CHST9: variants seen among roughly 807,000 people sequenced by gnomAD.
CHST9 encodes GalNAc-4-sulfotransferase 2.
CHST9 carries 41 observed loss-of-function variants against 44.4 expected under a neutral mutation model. The ratio of observed to expected loss-of-function variants is 0.92; its 90% confidence interval spans 0.72 to 1.20. CHST9 has a LOEUF of 1.20. Among genes scored for constraint, CHST9 ranks in the 50% most tolerant of loss-of-function variants. The pLI, the probability that CHST9 is intolerant of heterozygous loss-of-function variation, is 0.00. For synonymous variants in CHST9, 171 were observed against 178.4 expected, an observed-to-expected ratio of 0.96 and a Z score of 0.33; for missense variants, 504 against 516.5, an observed-to-expected ratio of 0.98 and a Z score of 0.23.
chr18:27,055,926 C>T (rs1568152650), intron 2 of CHST9, among the ~76,000 whole-genome samples: 1 of 136,556 alleles, frequency 7.3e-6, no homozygotes, highest in Non-Finnish European at 1.6e-5. Context: ...CTTCTCACCT[C>T]TTCTCTCTTT....
intron 4 of CHST9, among the ~76,000 whole-genome samples, chr18:26,986,895 T>G (rs1042543281): frequency 3.3e-5 from 5 of 152,184 alleles, no homozygotes; most frequent in Non-Finnish European, 5.9e-5. Context: ...ATTGAAATAA[T>G]TTATAGAAAA....
intron 4 of CHST9, among the ~76,000 whole-genome samples, chr18:26,956,325 A>AG: frequency 7.4e-6 from 1 of 134,658 alleles, no homozygotes; most frequent in East Asian, 2.1e-4. Context: ...AAAAAAAAAA[A>AG]AATATATATA....
intron 4 of CHST9, among the ~76,000 whole-genome samples, chr18:26,946,143 G>A (rs993720783): frequency 1.3e-5 from 2 of 152,118 alleles, no homozygotes; most frequent in African/African-American, 4.8e-5. Flanking sequence ...ATATGTTTTA[G>A]ATTTCTTTTG....
At chr18:27,102,039 A>C (rs2058177553) in intron 2 of CHST9, among the ~76,000 whole-genome samples, 1 of 152,236 alleles carries the variant, frequency 6.6e-6, no homozygotes, top group African/African-American at 2.4e-5. Flanking sequence ...GGGCTTCTGC[A>C]TCATTCCCAC....
chr18:27,176,696 A>AAT (rs2058871310), intron 1 of CHST9, among the ~76,000 whole-genome samples: 1 of 151,962 alleles, frequency 6.6e-6, no homozygotes, highest in African/African-American at 2.4e-5. Flanking sequence ...TTCTGCATTA[A>AAT]ATATATATCA....
At chr18:27,058,464 C>T (rs1175005685) in intron 2 of CHST9, among the ~76,000 whole-genome samples, 4 of 152,126 alleles carry the variant, frequency 2.6e-5, no homozygotes, top group Admixed American at 1.3e-4. Context: ...CTTACCCAGT[C>T]GGATACAGCA....
chr18:27,024,368 A>G (rs1160664396), intron 3 of CHST9, among the ~76,000 whole-genome samples: 3 of 152,160 alleles, frequency 2.0e-5, no homozygotes, highest in African/African-American at 7.2e-5. Context: ...ACCTGGCATT[A>G]CCATGAAAAT....
chr18:27,142,665 T>C, intron 2 of CHST9, 24 bp downstream of exon 2: 1 of 1,528,956 alleles, frequency 6.5e-7, no homozygotes, highest in Non-Finnish European at 8.8e-7. Context: ...ACAATTAAAA[T>C]AGAAGAAAAA....
intron 4 of CHST9, among the ~76,000 whole-genome samples, chr18:26,978,743 C>A (rs931180365): frequency 6.6e-6 from 1 of 152,200 alleles, no homozygotes; most frequent in Non-Finnish European, 1.5e-5. Flanking sequence ...GTCCTTCCTA[C>A]CTCACAGGGC....
chr18:26,991,243 C>T (rs190947098), intron 4 of CHST9, among the ~76,000 whole-genome samples: 89 of 152,176 alleles, frequency 5.8e-4, no homozygotes, highest in African/African-American at 2.1e-3. Flanking sequence ...ACAAGTGGTG[C>T]TTGACATTTG....
Position 26,992,219 on chromosome 18 carries a change from ACT to A in CHST9, c.202+31895_202+31896del, listed in dbSNP as rs1163492359. On this transcript the variant is annotated intron_variant, in intron 4 of 5. Coordinates refer to ENST00000618847, the MANE Select transcript of CHST9 (RefSeq NM_031422.6). Reference sequence around the variant, plus strand: ...CTACTACCAGATGCCTCAGCCCCTCACTCTGAATTAGAAGCGAGTGACATGAA... The same window carrying A: ...CTACTACCAGATGCCTCAGCCCCTCACTGAATTAGAAGCGAGTGACATGAA... Among the ~76,000 whole-genome samples, 2 of 126,526 alleles carry A rather than the reference ACT, an allele frequency of 1.6e-5. 1 individual carries two copies. The highest frequency in any genetic ancestry group is 5.3e-5 in the African/African-American group (2 of 37,470). The allele number at this position is 126,526 out of a possible 152,430, so 83.0% of individuals were successfully genotyped here. A position where few individuals can be genotyped will look rare whatever the true frequency, so the allele number is the denominator to read the frequency against.
chr18:27,153,622 A>G (rs903604825), intron 1 of CHST9, among the ~76,000 whole-genome samples: 1 of 150,864 alleles, frequency 6.6e-6, no homozygotes, highest in African/African-American at 2.4e-5. Flanking sequence ...TTATAAAGAT[A>G]CTTGTCCTTA....
At chr18:26,991,353 A>G (rs1374348098) in intron 4 of CHST9, among the ~76,000 whole-genome samples, 1 of 152,230 alleles carries the variant, frequency 6.6e-6, no homozygotes. Context: ...AAACAACTGT[A>G]AGTAAGAATG....
chr18:27,092,839 T>C (rs1392619054), intron 2 of CHST9, among the ~76,000 whole-genome samples: 1 of 152,212 alleles, frequency 6.6e-6, no homozygotes, highest in African/African-American at 2.4e-5. Context: ...TTTTTTTACA[T>C]TTGCTGAGAA....
At chr18:26,937,516 C>G (rs2056014935) in intron 5 of CHST9, among the ~76,000 whole-genome samples, 1 of 152,068 alleles carries the variant, frequency 6.6e-6, no homozygotes, top group South Asian at 2.1e-4. Flanking sequence ...TGAGATACAC[C>G]TGGATTCACA....
In CHST9 at chr18:27,137,304, ATGTGTGTGTGTGTGTGTG is replaced by A. The variant is rs60705060; in HGVS notation, c.121+5367_121+5384del. Among the ~76,000 whole-genome samples the A allele has an allele frequency of 8.3e-4, 121 of 145,476 alleles. 1 individual carries two copies. Among genetic ancestry groups the A allele is most frequent in the South Asian group, 2.2e-3 (10 of 4,514 alleles). The stretch of plus-strand genomic sequence containing the variant: ...TCTGTATATATTGATTTATTTATAT[ATGTGTGTGTGTGTGTGTG>A]TGTGTGTGTGTGTGTGTGTGTGTGT... On this transcript the variant is annotated intron_variant, in intron 2 of 5. Coordinates refer to ENST00000618847, the MANE Select transcript of CHST9 (RefSeq NM_031422.6).
chr18:27,038,306 G>A (rs2143521124), intron 3 of CHST9, among the ~76,000 whole-genome samples: 1 of 152,304 alleles, frequency 6.6e-6, no homozygotes, highest in African/African-American at 2.4e-5. Flanking sequence ...AGCATTTTGG[G>A]AGGCTGAGGT....
chr18:27,156,331 T>C (rs1199611589), intron 1 of CHST9, among the ~76,000 whole-genome samples: 1 of 152,082 alleles, frequency 6.6e-6, no homozygotes, highest in Non-Finnish European at 1.5e-5. Flanking sequence ...GAAGTGTATG[T>C]GAGATATACC....
At chr18:27,089,660 G>A (rs963831168) in intron 2 of CHST9, among the ~76,000 whole-genome samples, 7 of 152,140 alleles carry the variant, frequency 4.6e-5, no homozygotes, top group Non-Finnish European at 8.8e-5. Context: ...CCAGTAATGG[G>A]ATTGCTGAGT....
Sources: allele counts gnomAD v4.1 joint callset (sites outside exome capture counted in the v4.1 genomes callset), GRCh38; gene constraint gnomAD v4.1.1; transcripts MANE v1.5; gene names NCBI Gene and HGNC (gene_info 2026-07-23, HGNC 2026-07-21).